The following NCOA2 variants were observed in gnomAD, a reference collection of about 807,000 sequenced individuals.
The protein encoded by NCOA2 is class E basic helix-loop-helix protein 75.
NCOA2 carries 21 observed loss-of-function variants against 145.1 expected under a neutral mutation model. That is an observed-to-expected ratio of 0.14 (90% CI 0.10 to 0.21). The LOEUF (loss-of-function observed/expected upper bound fraction) is 0.21. NCOA2 is among the 10% of genes least tolerant of loss of function. NCOA2 has a pLI of 1.00. For synonymous variants in NCOA2, 619 were observed against 637.5 expected (o/e 0.97, Z 0.44); for missense variants, 1,472 against 1,837.6 (o/e 0.80, Z 3.64).
intron 17 of NCOA2, 90 bp downstream of exon 17, chr8:70,128,612 C>G: frequency 1.9e-6 from 3 of 1,592,430 alleles, no homozygotes; most frequent in Non-Finnish European, 2.6e-6. Context: ...AGTATCTGCA[C>G]ATTGTTGGAC....
intron 2 of NCOA2, among the ~76,000 whole-genome samples, chr8:70,293,321 T>C (rs993283201): frequency 6.6e-6 from 1 of 152,156 alleles, no homozygotes; most frequent in Admixed American, 6.5e-5. Context: ...CTCACATCTA[T>C]GAACAAAGGA....
chr8:70,311,422 TTTC>T (rs1415644837), intron 1 of NCOA2, among the ~76,000 whole-genome samples: 2 of 152,108 alleles, frequency 1.3e-5, no homozygotes, highest in Admixed American at 6.5e-5. Context: ...TTTGTCAGAA[TTTC>T]TTTTTTAAAA....
chr8:70,185,976 G>C (rs1213129198), intron 4 of NCOA2, among the ~76,000 whole-genome samples: 1 of 151,294 alleles, frequency 6.6e-6, no homozygotes, highest in East Asian at 1.9e-4. Context: ...TGGTTCACAG[G>C]ATTTTTTTTT....
At chr8:70,437,517 G>A in the NCOA2 span, among the ~76,000 whole-genome samples, 1 of 152,206 alleles carries the variant, frequency 6.6e-6, no homozygotes, top group East Asian at 1.9e-4. Context: ...TTTGACCGAA[G>A]AAATAATCTT....
intron 1 of NCOA2, among the ~76,000 whole-genome samples, chr8:70,307,317 C>T (rs1329779304): frequency 6.7e-6 from 1 of 148,956 alleles, no homozygotes; most frequent in Non-Finnish European, 1.5e-5. Flanking sequence ...AAAATGAGAA[C>T]TTTACTTGAC....
intron 2 of NCOA2, among the ~76,000 whole-genome samples, chr8:70,288,858 T>G (rs1328327892): frequency 6.6e-6 from 1 of 152,194 alleles, no homozygotes; most frequent in Non-Finnish European, 1.5e-5. Flanking sequence ...TTTATGAAAT[T>G]TTGTGAATAT....
At position 70,220,636 on chromosome 8, in the gene NCOA2, A is replaced by G. The variant is rs554940327; in HGVS notation, c.-19-3872T>C. Among the ~76,000 whole-genome samples, 6 of 152,328 alleles carry G rather than the reference A, an allele frequency of 3.9e-5. No individual in the cohort carries two copies. In the East Asian group the frequency reaches 1.2e-3, roughly 29 times the overall value. The stretch of plus-strand genomic sequence containing the variant: ...GTTGAATCCTTAGCATAATGACAGA[A>G]AGCAAAATAAAATGTTAAACCTCAA... On this transcript the variant is annotated intron_variant, in intron 2 of 22. Coordinates refer to ENST00000452400, the MANE Select transcript of NCOA2 (RefSeq NM_006540.4).
At chr8:70,200,626 G>T (rs936476001) in intron 4 of NCOA2, among the ~76,000 whole-genome samples, 1 of 152,122 alleles carries the variant, frequency 6.6e-6, no homozygotes, top group Non-Finnish European at 1.5e-5. Flanking sequence ...CTACAACATG[G>T]ATAAAGCTTA....
chr8:70,330,799 T>C (rs962140237), intron 1 of NCOA2, among the ~76,000 whole-genome samples: 1 of 152,190 alleles, frequency 6.6e-6, no homozygotes, highest in African/African-American at 2.4e-5. Context: ...TCTTAAAAAG[T>C]ATGGCTGTGT....
At chr8:70,250,175 T>C (rs1012909998) in intron 2 of NCOA2, among the ~76,000 whole-genome samples, 1 of 151,598 alleles carries the variant, frequency 6.6e-6, no homozygotes, top group Non-Finnish European at 1.5e-5. Context: ...GTGGATCACT[T>C]GAGCTCAGGA....
At chr8:70,378,916 G>A (rs1811928357) in intron 1 of NCOA2, among the ~76,000 whole-genome samples, 1 of 152,070 alleles carries the variant, frequency 6.6e-6, no homozygotes, top group Non-Finnish European at 1.5e-5. Context: ...CCAAATCGCA[G>A]ACACCATGAT....
At chr8:70,287,803 C>G (rs1177795659) in intron 2 of NCOA2, among the ~76,000 whole-genome samples, 1 of 152,196 alleles carries the variant, frequency 6.6e-6, no homozygotes, top group African/African-American at 2.4e-5. Context: ...CCTGCAGACC[C>G]TCACTGTAGA....
chr8:70,361,326 C>T (rs540449979), intron 1 of NCOA2, among the ~76,000 whole-genome samples: 91 of 152,106 alleles, frequency 6.0e-4, no homozygotes, highest in African/African-American at 2.1e-3. Context: ...GAAACCCTGT[C>T]TCTATTAAAA....
intron 1 of NCOA2, among the ~76,000 whole-genome samples, chr8:70,339,086 GCAAT>G (rs1807892444): frequency 6.6e-6 from 1 of 152,092 alleles, no homozygotes; most frequent in Admixed American, 6.6e-5. Context: ...TCTGGCCAGG[GCAAT>G]CAGTCAAGAG....
chr8:70,413,636 T>A, the NCOA2 span, among the ~76,000 whole-genome samples: 1 of 152,224 alleles, frequency 6.6e-6, no homozygotes, highest in Non-Finnish European at 1.5e-5. Flanking sequence ...ATAGGCTTTA[T>A]AAACATGGAC....
At chr8:70,440,185 G>C in the NCOA2 span, among the ~76,000 whole-genome samples, 1 of 152,160 alleles carries the variant, frequency 6.6e-6, no homozygotes, top group African/African-American at 2.4e-5. Context: ...GCTGAAGCAG[G>C]AGAATTGCTT....
intron 1 of NCOA2, among the ~76,000 whole-genome samples, chr8:70,359,560 A>C (rs1029578765): frequency 1.3e-5 from 2 of 152,166 alleles, no homozygotes; most frequent in African/African-American, 4.8e-5. Flanking sequence ...CCACTCTTGA[A>C]GGGGAAGTTA....
chr8:70,149,393 A>G (rs1585846870), intron 11 of NCOA2, among the ~76,000 whole-genome samples: 1 of 143,954 alleles, frequency 6.9e-6, no homozygotes, highest in Non-Finnish European at 1.5e-5. Context: ...CACCACCACC[A>G]CCATGTCTGG....
chr8:70,153,968 G>C (rs974123453), intron 11 of NCOA2, among the ~76,000 whole-genome samples: 1 of 152,136 alleles, frequency 6.6e-6, no homozygotes, highest in African/African-American at 2.4e-5. Context: ...AGCAGCTGTC[G>C]AGACATCAAA....
Sources: allele counts gnomAD v4.1 joint callset (sites outside exome capture counted in the v4.1 genomes callset), GRCh38; gene constraint gnomAD v4.1.1; transcripts MANE v1.5; gene names NCBI Gene and HGNC (gene_info 2026-07-23, HGNC 2026-07-21).